The following RBFOX1 variants were observed in gnomAD, a reference collection of about 807,000 sequenced individuals.
RBFOX1 encodes RNA binding protein fox-1 homolog 1.
In RBFOX1, 8 loss-of-function variants were observed where a neutral mutation model predicts 57.7. The ratio of observed to expected loss-of-function variants is 0.14; its 90% CI spans 0.08 to 0.25. The LOEUF is 0.25. Among genes scored for constraint, RBFOX1 ranks in the 10% least tolerant of loss-of-function variants. The pLI, the probability that RBFOX1 is intolerant of heterozygous loss-of-function variation, is 1.00. For missense variants in RBFOX1, 611 were observed against 548.5 expected, an observed-to-expected ratio of 1.11 and a Z score of -1.14; for synonymous variants, 326 against 222.4, an observed-to-expected ratio of 1.47 and a Z score of -4.15.
chr16:6,949,797 A>G (rs999679263), intron 3 of RBFOX1, among the ~76,000 whole-genome samples: 1 of 150,540 alleles, frequency 6.6e-6, no homozygotes, highest in Non-Finnish European at 1.5e-5. Context: ...TTTCTTCTGA[A>G]TTTTTTTTTT....
At chr16:6,441,889 C>G (rs1469420711) in intron 2 of RBFOX1, among the ~76,000 whole-genome samples, 2 of 152,182 alleles carry the variant, frequency 1.3e-5, no homozygotes, top group African/African-American at 4.8e-5. Context: ...TTATCTCTGA[C>G]TCAGGCAGCA....
intron 7 of RBFOX1, among the ~76,000 whole-genome samples, chr16:7,590,316 C>A (rs2094376270): frequency 6.6e-6 from 1 of 151,780 alleles, no homozygotes; most frequent in Non-Finnish European, 1.5e-5. Flanking sequence ...ATCTATATTC[C>A]AGGTAGTATC....
intron 4 of RBFOX1, among the ~76,000 whole-genome samples, chr16:7,328,439 C>G (rs1477408099): frequency 3.1e-5 from 4 of 130,828 alleles, no homozygotes; most frequent in African/African-American, 1.2e-4. Flanking sequence ...GAGATCATGC[C>G]ATTGCACTCT....
At chr16:6,506,925 G>A (rs1201254623) in intron 2 of RBFOX1, among the ~76,000 whole-genome samples, 1 of 152,180 alleles carries the variant, frequency 6.6e-6, no homozygotes, top group Non-Finnish European at 1.5e-5. Flanking sequence ...TGGGGTTACA[G>A]TCATGAGCCA....
rs1274861085 is a variant in RBFOX1, at chr16:5,695,199, CT to C, written c.318+96241del. Reference sequence around the variant, plus strand: ...ACTAAGCATTTCAATTTTTATTTCACTTTGTTTTTAATTTTTTACTCTAATA... The same window carrying C: ...ACTAAGCATTTCAATTTTTATTTCACTTGTTTTTAATTTTTTACTCTAATA... On this transcript the variant is annotated intron_variant, in intron 3 of 19. Coordinates refer to the RBFOX1 transcript ENST00000641259. Among the ~76,000 whole-genome samples, 12 of 152,140 alleles carry C rather than the reference CT, an allele frequency of 7.9e-5. No individual in the cohort carries two copies. In the South Asian group the frequency reaches 8.3e-4, roughly 11 times the overall value.
At chr16:7,096,184 A>C (rs1394877219) in intron 4 of RBFOX1, among the ~76,000 whole-genome samples, 1 of 152,190 alleles carries the variant, frequency 6.6e-6, no homozygotes, top group Non-Finnish European at 1.5e-5. Flanking sequence ...CAATAACAAA[A>C]CTGGTAACCA....
intron 3 of RBFOX1, among the ~76,000 whole-genome samples, chr16:6,884,580 C>A (rs2063593016): frequency 6.6e-6 from 1 of 152,102 alleles, no homozygotes; most frequent in African/African-American, 2.4e-5. Context: ...TTATTACCCC[C>A]ATTTTGAAGA....
chr16:7,060,036 A>G (rs2153745337), intron 4 of RBFOX1, among the ~76,000 whole-genome samples: 1 of 152,334 alleles, frequency 6.6e-6, no homozygotes, highest in African/African-American at 2.4e-5. Flanking sequence ...TTCTGCAGTC[A>G]GATTCTTTTC....
At chr16:5,248,820 C>G (rs551450623) in intron 1 of RBFOX1, among the ~76,000 whole-genome samples, 6 of 152,090 alleles carry the variant, frequency 3.9e-5, no homozygotes, top group Non-Finnish European at 7.4e-5. Context: ...GAAAGCCTGT[C>G]TCTAATAAAA....
At chr16:6,502,801 C>T (rs576326917) in intron 2 of RBFOX1, among the ~76,000 whole-genome samples, 1 of 152,242 alleles carries the variant, frequency 6.6e-6, no homozygotes, top group South Asian at 2.1e-4. Flanking sequence ...ATGTAAGATA[C>T]TTCTTTCTTG....
At chr16:6,382,489 C>G (rs917938228) in intron 2 of RBFOX1, among the ~76,000 whole-genome samples, 3 of 152,156 alleles carry the variant, frequency 2.0e-5, no homozygotes, top group African/African-American at 7.2e-5. Flanking sequence ...GACCTGGAGC[C>G]AGTTTGTGCA....
chr16:7,221,605 G>T (rs144384477), intron 4 of RBFOX1, among the ~76,000 whole-genome samples: 456 of 152,292 alleles, frequency 3.0e-3, no homozygotes, highest in African/African-American at 0.01. Context: ...GACCTCAGGT[G>T]ATCCACCAAC....
chr16:7,712,793 G>A lies in RBFOX1; in HGVS notation c.*2048G>A, dbSNP rs558866866. The A allele has an allele frequency of 6.6e-6, 1 of 152,290 alleles. No individual in the cohort carries two copies. The highest frequency in any genetic ancestry group is 2.4e-5 in the African/African-American group (1 of 41,566). The allele number at this position is 152,290 out of a possible 1,614,324, so 9.4% of individuals were successfully genotyped here. On this transcript the variant is annotated 3_prime_UTR_variant, in exon 16 of 16. Coordinates refer to ENST00000550418, the MANE Select transcript of RBFOX1 (RefSeq NM_018723.4). ...CAGAGGGAAGAAAGAGTAGGAGCAG[G>A]GGGCTATGGAGAATAAATTTCTCCC...
chr16:6,336,594 C>G lies in RBFOX1; in HGVS notation c.-64+19537C>G, dbSNP rs576927888. ...TGATTCTAAAACTAGTGCTTCAGTT[C>G]CAGCCTCATCACACACCACCCGGGA... On this transcript the variant is annotated intron_variant, in intron 2 of 15. Transcript: ENST00000550418. Among the ~76,000 whole-genome samples the G allele has an allele frequency of 4.6e-5, 7 of 152,164 alleles. No homozygotes were observed. In the East Asian group the frequency reaches 1.2e-3, roughly 25 times the overall value.
chr16:7,439,945 C>CTTTTTTTTTTTTTTTTTT (rs1223191346), intron 4 of RBFOX1, among the ~76,000 whole-genome samples: 1 of 113,394 alleles, frequency 8.8e-6, no homozygotes. Flanking sequence ...CAAATCTTTT[C>CTTTTTTTTTTTTTTTTTT]TTTCTTTTTT....
intron 3 of RBFOX1, among the ~76,000 whole-genome samples, chr16:6,666,032 G>A (rs1293738844): frequency 1.3e-5 from 2 of 152,114 alleles, no homozygotes; most frequent in Non-Finnish European, 2.9e-5. Context: ...AGATCTGATG[G>A]TTTTATAAGA....
At chr16:7,516,060 G>T (rs947196742) in intron 4 of RBFOX1, among the ~76,000 whole-genome samples, 3 of 152,126 alleles carry the variant, frequency 2.0e-5, no homozygotes, top group Admixed American at 6.5e-5. Flanking sequence ...GCCCAGTCTG[G>T]TCTCGAACTC....
At chr16:7,182,468 C>G (rs990758615) in intron 4 of RBFOX1, among the ~76,000 whole-genome samples, 9 of 152,178 alleles carry the variant, frequency 5.9e-5, no homozygotes, top group Admixed American at 2.6e-4. Context: ...TTTCTGTTGT[C>G]TGTTCTTGTT....
At chr16:6,554,781 G>C (rs1266934228) in intron 2 of RBFOX1, among the ~76,000 whole-genome samples, 2 of 145,366 alleles carry the variant, frequency 1.4e-5, no homozygotes, top group Admixed American at 1.4e-4. Context: ...AAGGTACACA[G>C]ACACACACAC....
Sources: allele counts gnomAD v4.1 joint callset (sites outside exome capture counted in the v4.1 genomes callset), GRCh38; gene constraint gnomAD v4.1.1; transcripts MANE v1.5; gene names NCBI Gene and HGNC (gene_info 2026-07-23, HGNC 2026-07-21).